Variants in SLC12A2 observed in about 807,000 individuals in gnomAD.
SLC12A2 encodes solute carrier family 12 member 2, also known as Na-K-2Cl cotransporter 1.
Under a neutral mutation model 136.3 loss-of-function variants are expected in SLC12A2, and 67 were observed. That is an observed-to-expected ratio of 0.49 (90% confidence interval 0.40 to 0.60). SLC12A2 has a LOEUF of 0.60. SLC12A2 is among the 20% of genes least tolerant of loss of function. SLC12A2 has a pLI of 0.00. For synonymous variants in SLC12A2, 619 were observed against 562.9 expected (o/e 1.10, Z -1.41); for missense variants, 1,322 against 1,534.7 (o/e 0.86, Z 2.32).
intron 18 of SLC12A2, chr5:128,170,596 A>G (rs1763342457): frequency 6.6e-6 from 1 of 152,186 alleles, no homozygotes; most frequent in South Asian, 2.1e-4. Flanking sequence ...TTGTGCAATG[A>G]AAAATAATAA....
intron 9 of SLC12A2, 94 bp from the exon 10 acceptor site, chr5:128,141,736 A>G (rs909673460): frequency 6.1e-6 from 6 of 981,664 alleles, no homozygotes; most frequent in African/African-American, 5.0e-5. Context: ...TGTAGTCACT[A>G]CTTTGGTTTC....
At chr5:128,149,859 G>A in intron 12 of SLC12A2, 138 bp from the exon 13 acceptor site, 1 of 677,074 alleles carries the variant, frequency 1.5e-6, no homozygotes, top group Non-Finnish European at 2.6e-6. Context: ...GGCATATATG[G>A]CAAACTCTAA....
At chr5:128,109,633 T>C (rs1761071810) in intron 1 of SLC12A2, 1 of 785,686 alleles carries the variant, frequency 1.3e-6, no homozygotes, top group Non-Finnish European at 2.3e-6. Flanking sequence ...AGTATTTCTA[T>C]ATTCAGACAG....
intron 17 of SLC12A2, among the ~76,000 whole-genome samples, chr5:128,166,221 C>A (rs184078405): frequency 3.0e-4 from 46 of 151,630 alleles, no homozygotes; most frequent in Non-Finnish European, 4.4e-4. Flanking sequence ...CTATGTGTGA[C>A]CTCACACTAT....
intron 26 of SLC12A2, among the ~76,000 whole-genome samples, chr5:128,186,065 T>C (rs185689480): frequency 6.6e-6 from 1 of 151,540 alleles, no homozygotes. Flanking sequence ...CTTAAAAAAA[T>C]ATATATATAT....
At chr5:128,182,720 GAATT>G in intron 23 of SLC12A2, 131 bp from the exon 24 acceptor site, 1 of 579,004 alleles carries the variant, frequency 1.7e-6, no homozygotes, top group East Asian at 2.8e-5. Context: ...TGAATGGTGT[GAATT>G]AATTCAAATG....
chr5:128,176,178 T>G (rs995431459), intron 20 of SLC12A2, among the ~76,000 whole-genome samples: 2 of 152,058 alleles, frequency 1.3e-5, no homozygotes, highest in Admixed American at 1.3e-4. Context: ...TCAAATACTT[T>G]CTGCCAGGCC....
At chr5:128,149,085 T>G (rs1288922143) in intron 12 of SLC12A2, among the ~76,000 whole-genome samples, 1 of 151,804 alleles carries the variant, frequency 6.6e-6, no homozygotes, top group Non-Finnish European at 1.5e-5. Context: ...TAAAGAGAAT[T>G]CCTAGGCTCT....
At chr5:128,088,926 T>A (rs1760203198) in intron 1 of SLC12A2, among the ~76,000 whole-genome samples, 1 of 152,102 alleles carries the variant, frequency 6.6e-6, no homozygotes. Flanking sequence ...CCCAGCACTT[T>A]GGGAGGCCGA....
At chr5:128,125,251 G>A (rs1761745039) in intron 4 of SLC12A2, among the ~76,000 whole-genome samples, 1 of 152,138 alleles carries the variant, frequency 6.6e-6, no homozygotes, top group Non-Finnish European at 1.5e-5. Flanking sequence ...GTTCACCTAT[G>A]GCTTAAAGTC....
chr5:128,152,860 T>A (rs915998033), intron 15 of SLC12A2, 55 bp downstream of exon 15: 2 of 1,046,934 alleles, frequency 1.9e-6, no homozygotes, highest in Admixed American at 1.7e-5. Flanking sequence ...GCCAGTCAGT[T>A]CTTATTTTTC....
intron 23 of SLC12A2, among the ~76,000 whole-genome samples, 197 bp downstream of exon 23, chr5:128,181,191 G>GA (rs1221669873): frequency 2.0e-5 from 3 of 152,060 alleles, no homozygotes; most frequent in Non-Finnish European, 4.4e-5. Flanking sequence ...ATTTTACTTA[G>GA]ATATAATTTT....
chr5:128,107,341 G>T (rs1269779970), intron 1 of SLC12A2, among the ~76,000 whole-genome samples: 1 of 152,070 alleles, frequency 6.6e-6, no homozygotes, highest in Admixed American at 6.5e-5. Flanking sequence ...TGTGCAGAAC[G>T]TGCAGTTTTG....
At position 128,114,223 on chromosome 5, in the gene SLC12A2, G is replaced by A; in HGVS notation, c.888G>A (p.Met296Ile). 1 of 1,612,986 alleles carries A rather than the reference G, an allele frequency of 6.2e-7. No individual in the cohort carries two copies. The highest frequency in any genetic ancestry group is 8.5e-7 in the Non-Finnish European group (1 of 1,179,284). ...GWIKGVLVRC[M>I]LNIWGVMLFI... ...TTTTCCCTCTTTAGGTACGTTGTAT[G>A]TTAAACATTTGGGGTGTGATGCTTT... Residue 296 changes from methionine (M) to isoleucine (I), a missense_variant, in exon 3 of 27, where the codon ATG becomes ATA. Met to Ile is a conservative substitution (Grantham distance 10, BLOSUM62 1). Transcript: ENST00000262461.
chr5:128,114,138 C>T (rs1404995462), intron 2 of SLC12A2, 74 bp from the exon 3 acceptor site: 3 of 1,038,462 alleles, frequency 2.9e-6, no homozygotes, highest in Non-Finnish European at 4.4e-6. Context: ...TCTACTTTGA[C>T]TGGTTTAATG....
At chr5:128,158,939 T>C (rs939124942) in intron 16 of SLC12A2, among the ~76,000 whole-genome samples, 12 of 151,972 alleles carry the variant, frequency 7.9e-5, no homozygotes, top group African/African-American at 2.9e-4. Context: ...ACTAAAACTT[T>C]TATGCTGTAT....
chr5:128,184,318 G>A (rs763026008), intron 24 of SLC12A2, 48 bp from the exon 25 acceptor site: 74 of 1,209,330 alleles, frequency 6.1e-5, no homozygotes, highest in Non-Finnish European at 8.0e-5. Flanking sequence ...TTCCTGTTAT[G>A]TAACTTAAAA....
Position 128,084,301 on chromosome 5 carries a change from C to A in SLC12A2, c.347C>A (p.Thr116Asn). ...AAGAGAGAKQTPADGEASGES... is the reference protein window; with the variant it reads ...AAGAGAGAKQNPADGEASGES... ...GGTGCTGGGGCGGGGGCCAAGCAGA[C>A]CCCCGCGGACGGGGAAGCCAGCGGC... Residue 116 changes from threonine (T) to asparagine (N), a missense_variant, in exon 1 of 27, where the codon ACC (threonine) becomes AAC (asparagine). Physicochemically the swap from Thr to Asn is moderately conservative, Grantham distance 65 (BLOSUM62 0). Around this residue, in one of 8 missense-constraint regions of SLC12A2, gnomAD observed 358 missense variants for 299.7 expected, o/e 1.19. Transcript: ENST00000262461. The surrounding 1 kb of genome is among the most constrained non-coding windows in gnomAD (Gnocchi z 5.6). The A allele has an allele frequency of 2.7e-6, 4 of 1,508,638 alleles. No individual in the cohort carries two copies. The South Asian group carries it at 5.2e-5, about 19-fold the overall frequency. The allele number at this position is 1,508,638 out of a possible 1,614,324, so 93.5% of individuals were successfully genotyped here.
At chr5:128,171,129 A>G (rs1290656916) in intron 18 of SLC12A2, 1 of 152,990 alleles carries the variant, frequency 6.5e-6, no homozygotes, top group Admixed American at 6.6e-5. Context: ...GGAGAGGTAA[A>G]TATATATTTT....
Sources: gnomAD v4.1 joint callset for allele counts (sites outside exome capture counted in the v4.1 genomes callset) on GRCh38, gnomAD v4.1.1 for gene constraint, gnomAD v4.1.1 regional missense constraint, Gnocchi (gnomAD v3.1) non-coding constraint, MANE v1.5 for transcripts, NCBI Gene and HGNC (gene_info 2026-07-23, HGNC 2026-07-21) for gene names.